Variants in ARPC1B observed in about 807,000 individuals in gnomAD.
ARPC1B encodes the protein actin related protein 2/3 complex subunit 1B.
A neutral mutation model predicts 46.0 loss-of-function variants in ARPC1B; 29 were observed. The ratio of observed to expected loss-of-function variants is 0.63; its 90% CI spans 0.47 to 0.86. The LOEUF (loss-of-function observed/expected upper bound fraction) is 0.86, where lower values mean the gene tolerates loss of function less well. Ranked by LOEUF, ARPC1B falls within the 40% of genes least tolerant of loss-of-function variation. The probability of loss-of-function intolerance (pLI) is 0.00; values close to 1 mark genes in which losing one functional copy is unlikely to be tolerated. For missense variants in ARPC1B, 469 were observed against 529.4 expected (o/e 0.89, Z 1.12); for synonymous variants, 201 against 213.9 (o/e 0.94, Z 0.53).
chr7:99,382,152 A>C (rs773706903), intron 1 of ARPC1B, among the ~76,000 whole-genome samples: 3 of 152,090 alleles, frequency 2.0e-5, no homozygotes, highest in Non-Finnish European at 4.4e-5. Context: ...TATACAGAGC[A>C]CCTGGCCAGG....
intron 2 of ARPC1B, 108 bp downstream of exon 2, chr7:99,385,886 C>A (rs1794377457): frequency 2.6e-6 from 3 of 1,146,990 alleles, no homozygotes; most frequent in Non-Finnish European, 3.7e-6. Flanking sequence ...GGACCATGGG[C>A]TCCATGTGGC....
Position 99,383,332 on chromosome 7 carries a change from T to TAC in ARPC1B, c.-13-2357_-13-2356dup, listed in dbSNP as rs199794463. ...ACAGAGCGAGACCCTTTCTCAAATATACACACACACACACGTTTCTGAGAA... is the reference window on the plus strand; with the variant it reads ...ACAGAGCGAGACCCTTTCTCAAATATACACACACACACACACGTTTCTGAGAA... On this transcript the variant is annotated intron_variant, in intron 1 of 9. Transcript: ENST00000646101. Among the ~76,000 whole-genome samples, 64 of 151,818 alleles carry TAC rather than the reference T, an allele frequency of 4.2e-4. No individual in the cohort carries two copies. The Middle Eastern group carries it at 0.01, about 24-fold the overall frequency.
chr7:99,382,166 G>A (rs1036128707), intron 1 of ARPC1B, among the ~76,000 whole-genome samples: 6 of 152,148 alleles, frequency 3.9e-5, no homozygotes, highest in East Asian at 1.9e-4. Flanking sequence ...GGCCAGGCGC[G>A]GTGGCTCATG....
intron 1 of ARPC1B, among the ~76,000 whole-genome samples, chr7:99,379,834 G>A (rs1794157886): frequency 6.6e-6 from 1 of 150,408 alleles, no homozygotes; most frequent in African/African-American, 2.5e-5. Context: ...AAGTGGAGAC[G>A]GGGTTTTGCC....
intron 8 of ARPC1B, among the ~76,000 whole-genome samples, chr7:99,393,234 C>T (rs1794637292): frequency 6.6e-6 from 1 of 152,254 alleles, no homozygotes; most frequent in South Asian, 2.1e-4. Flanking sequence ...CTTGATCTCA[C>T]CATAGCAGCC....
Position 99,392,712 on chromosome 7 carries a change from C to T in ARPC1B, c.825C>T (p.Ala275=), listed in dbSNP as rs530272604. 2.0e-4 allele frequency: 305 copies of T among 1,547,050 alleles called. 1 individual carries two copies. In the African/African-American group the frequency reaches 3.6e-3, roughly 18 times the overall value. ...CGGTGCTGTTCACCTATGACGCCGC[C>T]GCGGGGATGCTGAGCTTCGGCGGGC... is the stretch of plus-strand genomic sequence containing the variant. ...CFPVLFTYDA[A]AGMLSFGGRL... Residue 275 remains alanine, a synonymous_variant, in exon 8 of 10, where the codon GCC becomes GCT. Coordinates refer to ENST00000646101, the MANE Select transcript of ARPC1B (RefSeq NM_005720.4).
intron 1 of ARPC1B, 113 bp from the exon 2 acceptor site, chr7:99,385,589 C>A: frequency 1.1e-6 from 1 of 911,590 alleles, no homozygotes; most frequent in Non-Finnish European, 1.7e-6. Flanking sequence ...CCCCTCTAAA[C>A]TGAGGGGCCT....
intron 1 of ARPC1B, among the ~76,000 whole-genome samples, chr7:99,381,559 C>T (rs921200068): frequency 1.3e-5 from 2 of 152,172 alleles, no homozygotes; most frequent in Non-Finnish European, 2.9e-5. Context: ...GGGTCCTGTT[C>T]TAAGCATGGA....
chr7:99,384,853 T>C (rs887118489), intron 1 of ARPC1B, among the ~76,000 whole-genome samples: 3 of 148,370 alleles, frequency 2.0e-5, no homozygotes, highest in African/African-American at 5.1e-5. Flanking sequence ...ATGAGATTAC[T>C]TCATTTCTTT....
intron 2 of ARPC1B, chr7:99,386,280 G>T (rs1584405373): frequency 2.8e-6 from 1 of 363,404 alleles, no homozygotes; most frequent in East Asian, 7.0e-5. Flanking sequence ...AAGAAAGAAA[G>T]AAAAAGTGAC....
At chr7:99,376,935 G>C (rs1305234835) in intron 1 of ARPC1B, among the ~76,000 whole-genome samples, 1 of 151,744 alleles carries the variant, frequency 6.6e-6, no homozygotes, top group East Asian at 1.9e-4. Flanking sequence ...AATGGTGAAA[G>C]GTCTGGGTAA....
rs753070432 is a variant in ARPC1B, at chr7:99,378,944, A to AT, written c.-14+4169dup. On this transcript the variant is annotated intron_variant, in intron 1 of 9. Coordinates refer to ENST00000646101, the MANE Select transcript of ARPC1B (RefSeq NM_005720.4). ...GGCGCCCGCCACCACGCCCGGCTTA[A>AT]TTTTTTGTATTTTTAGTAGAGACGG... is the stretch of plus-strand genomic sequence containing the variant. Among the ~76,000 whole-genome samples the AT allele has an allele frequency of 1.3e-3, 197 of 151,266 alleles. 1 individual carries two copies. Among genetic ancestry groups the AT allele is most frequent in the East Asian group, 9.4e-3 (47 of 5,022 alleles).
At chr7:99,385,819 T>A (rs566295434) in intron 2 of ARPC1B, 41 bp downstream of exon 2, 1 of 1,573,638 alleles carries the variant, frequency 6.4e-7, no homozygotes, top group Admixed American at 1.8e-5. Context: ...TGCTTCCACC[T>A]CCTGGGATGG....
At chr7:99,377,636 T>TCTCC (rs1794067215) in intron 1 of ARPC1B, among the ~76,000 whole-genome samples, 1 of 150,742 alleles carries the variant, frequency 6.6e-6, no homozygotes, top group African/African-American at 2.4e-5. Context: ...CTTCTTCTTT[T>TCTCC]TTTTTTTTAT....
chr7:99,376,110 A>G (rs1794025912), intron 1 of ARPC1B, among the ~76,000 whole-genome samples: 1 of 151,186 alleles, frequency 6.6e-6, no homozygotes, highest in African/African-American at 2.4e-5. Context: ...CCAGCTACTT[A>G]GGAGGATGAG....
chr7:99,386,906 G>A (rs1794407668), intron 3 of ARPC1B, 117 bp downstream of exon 3: 1 of 766,142 alleles, frequency 1.3e-6, no homozygotes, highest in East Asian at 2.5e-5. Flanking sequence ...GTGAAACCCG[G>A]ATTCAAACTG....
At chr7:99,374,524 C>G (rs1025890130), upstream of ARPC1B, 4 of 152,306 alleles carry the variant, frequency 2.6e-5, no homozygotes, top group East Asian at 7.7e-4. The surrounding 1 kb of genome is among the most constrained non-coding windows in gnomAD (Gnocchi z 5.0). Context: ...AAAGCATTGA[C>G]GGTGGTTGCG....
intron 5 of ARPC1B, 82 bp from the exon 6 acceptor site, chr7:99,390,811 C>T: frequency 7.7e-7 from 1 of 1,293,886 alleles, no homozygotes; most frequent in Non-Finnish European, 1.1e-6. Flanking sequence ...AATCCTCCCG[C>T]CTCAGCCTCC....
chr7:99,394,016 T>C lies in ARPC1B; in HGVS notation c.990-13T>C, dbSNP rs1270788170. ...CACAGGTTGAATTCATAAGCTCCTC[T>C]TCCTCTTTGCAGCCAGATCTCGGTG... On this transcript the variant is annotated splice_polypyrimidine_tract_variant and intron_variant, in intron 8 of 9. Transcript: ENST00000646101. 1.9e-6 allele frequency: 3 copies of C among 1,611,946 alleles called. No individual in the cohort carries two copies. The South Asian group carries it at 3.3e-5, about 18-fold the overall frequency.
Sources: allele counts gnomAD v4.1 joint callset (sites outside exome capture counted in the v4.1 genomes callset), GRCh38; gene constraint gnomAD v4.1.1; non-coding constraint Gnocchi (gnomAD v3.1); transcripts MANE v1.5; gene names NCBI Gene and HGNC (gene_info 2026-07-23, HGNC 2026-07-21).